CPNE1: variants seen among roughly 807,000 people sequenced by gnomAD.
CPNE1 encodes the protein copine 1, also known as copine-1.
Under a neutral mutation model 63.2 loss-of-function variants are expected in CPNE1, and 58 were observed. The ratio of observed to expected loss-of-function variants is 0.92; its 90% confidence interval spans 0.74 to 1.14. The LOEUF (loss-of-function observed/expected upper bound fraction) is 1.14, where lower values mean the gene tolerates loss of function less well. Ranked by LOEUF, CPNE1 falls within the 50% of genes most tolerant of loss-of-function variation. CPNE1 has a pLI of 0.00. For missense variants in CPNE1, 672 were observed against 661.7 expected, an observed-to-expected ratio of 1.02 and a Z score of -0.17; for synonymous variants, 237 against 249.0, an observed-to-expected ratio of 0.95 and a Z score of 0.45.
At chr20:35,660,035 C>T (rs1275637585) in intron 1 of CPNE1, among the ~76,000 whole-genome samples, 2 of 152,142 alleles carry the variant, frequency 1.3e-5, no homozygotes, top group African/African-American at 4.8e-5. Flanking sequence ...TTTCAAAAAT[C>T]TGTGTGATTT....
intron 1 of CPNE1, among the ~76,000 whole-genome samples, chr20:35,640,621 C>T (rs2032747297): frequency 6.6e-6 from 1 of 152,140 alleles, no homozygotes; most frequent in Admixed American, 6.5e-5. Context: ...TCCAACAAAA[C>T]CCCAATTCTT....
At chr20:35,643,356 A>AT (rs908796746) in intron 1 of CPNE1, 11 of 152,248 alleles carry the variant, frequency 7.2e-5, no homozygotes, top group African/African-American at 2.7e-4. Flanking sequence ...TAGAACCTGC[A>AT]AACAGGCTCT....
intron 1 of CPNE1, among the ~76,000 whole-genome samples, chr20:35,641,367 C>T (rs1221080101): frequency 6.6e-6 from 1 of 152,142 alleles, no homozygotes; most frequent in Non-Finnish European, 1.5e-5. Context: ...TATATTGTTG[C>T]AATCTGATGC....
chr20:35,630,449 G>A lies in CPNE1; in HGVS notation c.1092C>T (p.Pro364=), dbSNP rs1180803137. ...GATGGGGAAACTTACCTGCACAGTA[G>A]GGGTTACTGGGGTTGAAATTCAAGG... ...EFALNFNPSN[P]YCAGIQGIVD... is the part of the protein sequence containing the mutation. Residue 364 remains proline, a synonymous_variant, in exon 13 of 16, where the codon CCC becomes CCT. Transcript: ENST00000397443. 1 of 1,614,010 alleles carries A rather than the reference G, an allele frequency of 6.2e-7. No individual in the cohort carries two copies. The highest frequency in any genetic ancestry group is 8.5e-7 in the Non-Finnish European group (1 of 1,179,970).
chr20:35,658,069 C>T (rs2034007872), intron 1 of CPNE1, among the ~76,000 whole-genome samples: 1 of 151,028 alleles, frequency 6.6e-6, no homozygotes, highest in Non-Finnish European at 1.5e-5. Context: ...ATAAATAAAA[C>T]AAATAAAAAT....
intron 1 of CPNE1, chr20:35,659,059 C>T: frequency 4.3e-6 from 3 of 696,856 alleles, no homozygotes; most frequent in Non-Finnish European, 5.3e-6. Context: ...GCAGGAAACA[C>T]AAAACAACAC....
rs115030900 is a variant in CPNE1, at chr20:35,632,585, T to C, written c.241A>G (p.Ile81Val). The C allele has an allele frequency of 1.7e-3, 2,768 of 1,613,394 alleles. 46 individuals carry two copies. In the African/African-American group the frequency reaches 0.033, roughly 19 times the overall value. The change falls in exon 3 of 16, where the codon ATA becomes GTA. Residue 81 changes from isoleucine (I) to valine (V), a missense_variant. By Grantham distance (29) the Ile-to-Val change is conservative. Transcript: ENST00000397443. ...CTCAGCTCTGGCGTCTTGTTGTCTA[T>C]GTCATAGATTCCAAAGCGTAGCTTC... The part of the protein sequence containing the change: ...VQKLRFGIYD[I>V]DNKTPELRDD...
intron 1 of CPNE1, among the ~76,000 whole-genome samples, chr20:35,648,050 TAC>T (rs1385842500): frequency 3.5e-4 from 51 of 146,020 alleles, no homozygotes; most frequent in East Asian, 1.2e-3. Context: ...GGGCAACAGA[TAC>T]AGACTCCATC....
intron 1 of CPNE1, among the ~76,000 whole-genome samples, chr20:35,658,169 T>TA (rs1284247269): frequency 2.6e-5 from 4 of 152,232 alleles, no homozygotes; most frequent in African/African-American, 4.8e-5. Flanking sequence ...GGGCCTATCT[T>TA]AGTTACTTAA....
chr20:35,643,481 G>C (rs1027425891), intron 1 of CPNE1: 3 of 152,332 alleles, frequency 2.0e-5, no homozygotes, highest in Non-Finnish European at 4.4e-5. Flanking sequence ...GCAGGGTGCA[G>C]TGGCTCACAC....
chr20:35,653,264 G>T, intron 1 of CPNE1: 1 of 1,613,254 alleles, frequency 6.2e-7, no homozygotes, highest in Admixed American at 1.7e-5. Context: ...GCACCAGGCA[G>T]TCCTGCACTG....
rs1372841771 is a variant in CPNE1, at chr20:35,632,637, C to T, written c.189G>A (p.Gln63=). 2 of 1,500,972 alleles carry T rather than the reference C, an allele frequency of 1.3e-6. No individual in the cohort carries two copies. The highest frequency in any genetic ancestry group is 1.9e-6 in the Non-Finnish European group (2 of 1,076,944). The allele number at this position is 1,500,972 out of a possible 1,614,324, so 93.0% of individuals were successfully genotyped here. Reference sequence around the variant, plus strand: ...GGACTGTCTCAAAGCGGTACTCAAGCTGTAGAGTCTTGGAGAACTCAGGGC... The same window carrying T: ...GGACTGTCTCAAAGCGGTACTCAAGTTGTAGAGTCTTGGAGAACTCAGGGC... ...CSSPEFSKTL[Q]LEYRFETVQK... Residue 63 remains glutamine, a synonymous_variant, in exon 3 of 16, where the codon CAG becomes CAA. Coordinates refer to ENST00000397443, the MANE Select transcript of CPNE1 (RefSeq NM_152925.3).
At chr20:35,653,947 C>T (rs780082001) in intron 1 of CPNE1, 2 of 1,614,138 alleles carry the variant, frequency 1.2e-6, no homozygotes, top group Non-Finnish European at 1.7e-6. Flanking sequence ...TATATAAATA[C>T]TATCTTCCAC....
chr20:35,651,251 C>T (rs2033493281), intron 1 of CPNE1: 2 of 152,212 alleles, frequency 1.3e-5, no homozygotes, highest in African/African-American at 4.8e-5. Context: ...GTTTTCATGA[C>T]AAGGACACTT....
At chr20:35,626,836 A>G (rs368345665) in intron 14 of CPNE1, 33 bp from the exon 15 acceptor site, 1 of 1,557,010 alleles carries the variant, frequency 6.4e-7, no homozygotes, top group Non-Finnish European at 8.9e-7. Context: ...CCTGAAGCAG[A>G]TCCTCCTCCT....
At chr20:35,632,493 A>G in intron 3 of CPNE1, 24 bp downstream of exon 3, 1 of 1,612,262 alleles carries the variant, frequency 6.2e-7, no homozygotes, top group Non-Finnish European at 8.5e-7. Context: ...CATCTGAAGG[A>G]TCCTAATCCC....
intron 1 of CPNE1, among the ~76,000 whole-genome samples, chr20:35,663,279 A>G (rs769556479): frequency 2.6e-5 from 4 of 152,218 alleles, no homozygotes; most frequent in African/African-American, 7.2e-5. Flanking sequence ...AGATTTCCCT[A>G]TGTGTCCAGA....
intron 1 of CPNE1, among the ~76,000 whole-genome samples, chr20:35,656,350 CA>C (rs1418438192): frequency 1.3e-5 from 2 of 152,026 alleles, no homozygotes; most frequent in Admixed American, 1.3e-4. Flanking sequence ...TTGACATAAT[CA>C]AAAAAGAAAT....
chr20:35,627,437 C>G (rs759219394), intron 13 of CPNE1, 24 bp from the exon 14 acceptor site: 2 of 1,612,244 alleles, frequency 1.2e-6, no homozygotes, highest in African/African-American at 1.3e-5. Context: ...CAAGAAATAC[C>G]GTAAAATCCT....
Sources: allele counts gnomAD v4.1 joint callset (sites outside exome capture counted in the v4.1 genomes callset), GRCh38; gene constraint gnomAD v4.1.1; transcripts MANE v1.5; gene names NCBI Gene and HGNC (gene_info 2026-07-23, HGNC 2026-07-21).